Variants in MALRD1 observed in about 807,000 individuals in gnomAD.
MALRD1 encodes the protein MAM and LDL receptor class A domain containing 1.
In MALRD1, 247 loss-of-function variants were observed where a neutral mutation model predicts 242.1. The observed-to-expected ratio is 1.02, with a 90% confidence interval of 0.92 to 1.13. The LOEUF is 1.13. Ranked by LOEUF, MALRD1 falls within the 50% of genes most tolerant of loss-of-function variation. MALRD1 has a pLI of 0.00. For synonymous variants in MALRD1, 995 were observed against 866.6 expected (o/e 1.15, Z -2.60); for missense variants, 2,989 against 2,533.1 (o/e 1.18, Z -3.86).
chr10:19,074,006 G>A (rs1564374405), intron 2 of MALRD1, among the ~76,000 whole-genome samples: 1 of 152,030 alleles, frequency 6.6e-6, no homozygotes, highest in South Asian at 2.1e-4. Flanking sequence ...AACCACATAA[G>A]GACCAGGTGG....
At position 19,205,147 on chromosome 10, in the gene MALRD1, T is replaced by G. The variant is rs1331678419; in HGVS notation, c.2460T>G (p.Ala820=). 1.3e-6 allele frequency: 2 copies of G among 1,550,770 alleles called. No homozygotes were observed. The highest frequency in any genetic ancestry group is 2.7e-5 in the African/African-American group (2 of 73,048). ...AAAATTGTACTCTCCCTCTTCCTGCTGAGAGCTGTGAAGGGCTGGATCATT... is the reference window on the plus strand; with the variant it reads ...AAAATTGTACTCTCCCTCTTCCTGCGGAGAGCTGTGAAGGGCTGGATCATT... The part of the protein sequence containing the change: ...RFENCTLPLP[A]ESCEGLDHFW... Residue 820 remains alanine (A), a synonymous_variant, in exon 17 of 40, where the codon GCT becomes GCG. Coordinates refer to ENST00000454679, the MANE Select transcript of MALRD1 (RefSeq NM_001142308.3).
chr10:19,708,194 A>G (rs1431120409), intron 38 of MALRD1, among the ~76,000 whole-genome samples: 1 of 120,156 alleles, frequency 8.3e-6, no homozygotes, highest in Non-Finnish European at 1.9e-5. Context: ...GATAATATAT[A>G]TTTTCTTATG....
chr10:19,242,187 A>G (rs1279004756), intron 18 of MALRD1, among the ~76,000 whole-genome samples: 9 of 152,198 alleles, frequency 5.9e-5, no homozygotes, highest in Non-Finnish European at 1.3e-4. Context: ...CACATCTTAC[A>G]TGGTAGCAAA....
intron 12 of MALRD1, among the ~76,000 whole-genome samples, chr10:19,157,653 A>G (rs1191268674): frequency 2.0e-5 from 3 of 152,200 alleles, no homozygotes; most frequent in Non-Finnish European, 4.4e-5. Context: ...CGTATTGATA[A>G]TAGTGCTTTC....
At chr10:19,218,982 A>T (rs1256501639) in intron 18 of MALRD1, among the ~76,000 whole-genome samples, 2 of 152,112 alleles carry the variant, frequency 1.3e-5, no homozygotes, top group Admixed American at 6.5e-5. Context: ...TAATCTAATT[A>T]TTTTGACTGA....
intron 31 of MALRD1, among the ~76,000 whole-genome samples, chr10:19,511,234 A>T (rs1379090387): frequency 6.6e-6 from 1 of 152,222 alleles, no homozygotes; most frequent in Non-Finnish European, 1.5e-5. Context: ...CCAGTTGATT[A>T]TGGAGTGAGT....
chr10:19,307,121 C>T (rs1214767023), intron 21 of MALRD1, among the ~76,000 whole-genome samples: 1 of 151,420 alleles, frequency 6.6e-6, no homozygotes, highest in African/African-American at 2.4e-5. Context: ...ATGACATAAA[C>T]AATATTATTG....
At chr10:19,430,047 C>T (rs576108645) in intron 28 of MALRD1, among the ~76,000 whole-genome samples, 3 of 151,936 alleles carry the variant, frequency 2.0e-5, no homozygotes, top group African/African-American at 7.2e-5. Flanking sequence ...TCAGACACTT[C>T]CATACTCCAG....
At chr10:19,284,590 T>G (rs1458349895) in intron 21 of MALRD1, among the ~76,000 whole-genome samples, 1 of 151,642 alleles carries the variant, frequency 6.6e-6, no homozygotes, top group Admixed American at 6.6e-5. Context: ...CTCATCATTT[T>G]TGATGGCTGC....
At chr10:19,726,497 G>A (rs1489693558) in intron 38 of MALRD1, among the ~76,000 whole-genome samples, 1 of 152,120 alleles carries the variant, frequency 6.6e-6, no homozygotes, top group African/African-American at 2.4e-5. Context: ...ACACATTGTT[G>A]GTGGGAATGT....
At chr10:19,724,448 G>T (rs1834919610) in intron 38 of MALRD1, among the ~76,000 whole-genome samples, 1 of 152,192 alleles carries the variant, frequency 6.6e-6, no homozygotes, top group Non-Finnish European at 1.5e-5. Context: ...AGGCCTCTCA[G>T]CAGGAACATT....
At chr10:19,443,971 G>T (rs2131002106) in intron 28 of MALRD1, among the ~76,000 whole-genome samples, 1 of 152,258 alleles carries the variant, frequency 6.6e-6, no homozygotes, top group East Asian at 1.9e-4. Context: ...CTAAGGACTT[G>T]CTTTATGAAT....
chr10:19,587,084 C>T (rs1001692267), intron 33 of MALRD1, among the ~76,000 whole-genome samples: 4 of 152,368 alleles, frequency 2.6e-5, no homozygotes, highest in Admixed American at 2.6e-4. Context: ...CCTGCTTCGG[C>T]TCGCGCACGG....
intron 21 of MALRD1, among the ~76,000 whole-genome samples, chr10:19,296,065 T>A (rs566273711): frequency 2.0e-5 from 3 of 152,124 alleles, no homozygotes; most frequent in Admixed American, 2.0e-4. Flanking sequence ...AATCAGAATC[T>A]TGATGGTGGA....
chr10:19,349,279 G>GCCTGTGTCCACAACTGACAGAGCCCTAA, intron 25 of MALRD1, among the ~76,000 whole-genome samples: 1 of 152,146 alleles, frequency 6.6e-6, no homozygotes, highest in Non-Finnish European at 1.5e-5. Context: ...ACTTCTCTGT[G>GCCTGTGTCCACAACTGACAGAGCCCTAA]CCTGTGTCCA....
intron 8 of MALRD1, among the ~76,000 whole-genome samples, chr10:19,130,110 C>A (rs1298463312): frequency 6.6e-6 from 1 of 151,966 alleles, no homozygotes; most frequent in East Asian, 1.9e-4. Flanking sequence ...GTAGTCACTG[C>A]CCTGCAATCT....
chr10:19,592,821 G>T (rs543805055), intron 33 of MALRD1, among the ~76,000 whole-genome samples: 2 of 148,740 alleles, frequency 1.3e-5, no homozygotes, highest in African/African-American at 2.5e-5. Flanking sequence ...AAACATAAAA[G>T]TCTTTGTTTT....
At chr10:19,300,159 C>A (rs1165541478) in intron 21 of MALRD1, among the ~76,000 whole-genome samples, 3 of 151,874 alleles carry the variant, frequency 2.0e-5, no homozygotes, top group Non-Finnish European at 2.9e-5. Context: ...ATGCAGCTCA[C>A]CAGGCAGGTG....
At chr10:19,660,113 G>A (rs1478254396) in intron 36 of MALRD1, among the ~76,000 whole-genome samples, 1 of 152,088 alleles carries the variant, frequency 6.6e-6, no homozygotes, top group Admixed American at 6.6e-5. Context: ...CACCCTTGTA[G>A]TAACAAAATG....
Sources: allele counts gnomAD v4.1 joint callset (sites outside exome capture counted in the v4.1 genomes callset), GRCh38; gene constraint gnomAD v4.1.1; transcripts MANE v1.5; gene names NCBI Gene and HGNC (gene_info 2026-07-23, HGNC 2026-07-21).